The following HNRNPC variants were observed in gnomAD, a reference collection of about 807,000 sequenced individuals.
HNRNPC encodes heterogeneous nuclear ribonucleoproteins C1/C2.
A neutral mutation model predicts 33.2 loss-of-function variants in HNRNPC; 3 were observed. That is an observed-to-expected ratio of 0.09 (90% CI 0.04 to 0.23). The LOEUF (loss-of-function observed/expected upper bound fraction) is 0.23. Among genes scored for constraint, HNRNPC ranks in the 10% least tolerant of loss-of-function variants. The pLI is 1.00. For synonymous variants in HNRNPC, 121 were observed against 126.7 expected (o/e 0.96, Z 0.30); for missense variants, 143 against 366.7 (o/e 0.39, Z 4.98).
In HNRNPC at chr14:21,230,330, G is replaced by A; in HGVS notation, c.354C>T (p.Asp118=). The part of the protein sequence containing the change: ...SFDLDYDFQR[D]YYDRMYSYPA... The stretch of plus-strand genomic sequence containing the variant: ...ACATTTTAACATACCTATCATAATA[G>A]TCCCGTTGAAAGTCATAGTCCAAGT... Residue 118 remains aspartate, a synonymous_variant, in exon 5 of 9, where the codon GAC becomes GAT. Coordinates refer to ENST00000553300, the MANE Select transcript of HNRNPC (RefSeq NM_004500.4). 1.2e-6 allele frequency: 2 copies of A among 1,606,750 alleles called. No homozygotes were observed. The highest frequency in any genetic ancestry group is 1.3e-5 in the African/African-American group (1 of 74,804).
intron 1 of HNRNPC, among the ~76,000 whole-genome samples, chr14:21,268,941 T>C (rs183684965): frequency 1.2e-4 from 19 of 152,044 alleles, no homozygotes; most frequent in Admixed American, 1.2e-3. Flanking sequence ...ACGGAGGTAA[T>C]AGAAGGCATC....
chr14:21,256,797 C>T (rs1877296828), intron 2 of HNRNPC, among the ~76,000 whole-genome samples: 1 of 151,938 alleles, frequency 6.6e-6, no homozygotes, highest in Non-Finnish European at 1.5e-5. Context: ...GGACTACAGA[C>T]ACTTGCCACC....
At position 21,227,503 on chromosome 14, in the gene HNRNPC, C is replaced by T. The variant is rs555596704; in HGVS notation, c.365+2816G>A. ...ATCCGACAGTAACTACTAGTATCGG[C>T]TGGTGCAAAAATAATTGCGGTTTTG... is the stretch of plus-strand genomic sequence containing the variant. On this transcript the variant is annotated intron_variant, in intron 5 of 8. Coordinates refer to ENST00000553300, the MANE Select transcript of HNRNPC (RefSeq NM_004500.4). Among the ~76,000 whole-genome samples, 5 of 152,306 alleles carry T rather than the reference C, an allele frequency of 3.3e-5. No individual in the cohort carries two copies. The East Asian group carries it at 9.6e-4, about 29-fold the overall frequency.
intron 2 of HNRNPC, among the ~76,000 whole-genome samples, chr14:21,245,977 C>A (rs1269755454): frequency 6.6e-6 from 1 of 152,044 alleles, no homozygotes; most frequent in Non-Finnish European, 1.5e-5. Flanking sequence ...TCCTGAGTAG[C>A]TGGGAACACA....
At chr14:21,236,508 T>C (rs952289252) in intron 2 of HNRNPC, 17 of 152,140 alleles carry the variant, frequency 1.1e-4, no homozygotes, top group African/African-American at 4.1e-4. Flanking sequence ...GGGGATCAAA[T>C]ATTTACTAAC....
At chr14:21,226,141 T>C (rs1893395691) in intron 5 of HNRNPC, among the ~76,000 whole-genome samples, 1 of 151,720 alleles carries the variant, frequency 6.6e-6, no homozygotes, top group African/African-American at 2.4e-5. Context: ...GCCAACATAC[T>C]GAAACCCCAT....
intron 2 of HNRNPC, chr14:21,234,662 T>TTAA (rs1894477332): frequency 6.1e-6 from 1 of 164,204 alleles, no homozygotes. Context: ...TTCACGTTGC[T>TTAA]TTTATTGAGT....
intron 2 of HNRNPC, among the ~76,000 whole-genome samples, chr14:21,239,634 G>A (rs1238934077): frequency 1.3e-5 from 2 of 152,168 alleles, no homozygotes; most frequent in Non-Finnish European, 2.9e-5. Context: ...AGCACTTTGG[G>A]AGGCTGAGGC....
At chr14:21,219,910 C>G (rs1892635023) in intron 5 of HNRNPC, among the ~76,000 whole-genome samples, 1 of 152,200 alleles carries the variant, frequency 6.6e-6, no homozygotes, top group African/African-American at 2.4e-5. Flanking sequence ...GTTGTCCAGA[C>G]AAAAACGCTG....
At chr14:21,242,485 A>G (rs545648394) in intron 2 of HNRNPC, among the ~76,000 whole-genome samples, 47 of 152,356 alleles carry the variant, frequency 3.1e-4, no homozygotes, top group African/African-American at 1.0e-3. Context: ...CTCCGTCTCA[A>G]AAAGATGTTA....
chr14:21,225,349 T>G (rs1274996291), intron 5 of HNRNPC, among the ~76,000 whole-genome samples: 1 of 151,910 alleles, frequency 6.6e-6, no homozygotes, highest in Non-Finnish European at 1.5e-5. Flanking sequence ...CAAGAATTAC[T>G]TGAACCTGGG....
Position 21,211,911 on chromosome 14 carries a change from T to C in HNRNPC, c.536A>G (p.Asp179Gly). 1 of 1,610,328 alleles carries C rather than the reference T, an allele frequency of 6.2e-7. No homozygotes were observed. The highest frequency in any genetic ancestry group is 8.5e-7 in the Non-Finnish European group (1 of 1,176,854). Residue 179 changes from aspartate to glycine, a missense_variant, in exon 7 of 9, where the codon GAC (aspartate) becomes GGC (glycine). Physicochemically the swap from Asp to Gly is moderately conservative, Grantham distance 94 (BLOSUM62 -1). Around this residue, in one of 2 missense-constraint regions of HNRNPC, gnomAD observed 131 missense variants for 253.0 expected, o/e 0.52. Coordinates refer to ENST00000553300, the MANE Select transcript of HNRNPC (RefSeq NM_004500.4). ...CAGCTCCTTCTTAATGGCCTGAAGG[T>C]CATCTCCTTTCACTTTAATATAAAC... is the stretch of plus-strand genomic sequence containing the variant. ...SSKSGKLKGDDLQAIKKELTQ... is the reference protein window; with the variant it reads ...SSKSGKLKGDGLQAIKKELTQ...
At chr14:21,248,008 C>A (rs1385222702) in intron 2 of HNRNPC, among the ~76,000 whole-genome samples, 1 of 149,826 alleles carries the variant, frequency 6.7e-6, no homozygotes, top group Non-Finnish European at 1.5e-5. Flanking sequence ...AAAAAAAAAA[C>A]CCGTATCATC....
At chr14:21,249,249 C>G (rs1190566357) in intron 2 of HNRNPC, among the ~76,000 whole-genome samples, 3 of 152,028 alleles carry the variant, frequency 2.0e-5, no homozygotes, top group Non-Finnish European at 4.4e-5. Flanking sequence ...CCCTTCTCTT[C>G]CCCAAGAGCA....
At chr14:21,222,615 G>A (rs959953418) in intron 5 of HNRNPC, among the ~76,000 whole-genome samples, 2 of 152,102 alleles carry the variant, frequency 1.3e-5, no homozygotes, top group South Asian at 2.1e-4. Context: ...TGCTATGGCC[G>A]GGCCTAGTGG....
At chr14:21,226,909 C>A (rs772041908) in intron 5 of HNRNPC, among the ~76,000 whole-genome samples, 9 of 113,580 alleles carry the variant, frequency 7.9e-5, no homozygotes, top group Admixed American at 5.9e-4. Flanking sequence ...GGGGGGGGGA[C>A]AGTGATTTTT....
At chr14:21,215,119 A>T (rs1892020273) in intron 5 of HNRNPC, among the ~76,000 whole-genome samples, 1 of 152,240 alleles carries the variant, frequency 6.6e-6, no homozygotes, top group African/African-American at 2.4e-5. Context: ...GAACACAATT[A>T]GGAGTCAAAT....
At chr14:21,221,261 T>A (rs1202236600) in intron 5 of HNRNPC, among the ~76,000 whole-genome samples, 3 of 152,236 alleles carry the variant, frequency 2.0e-5, no homozygotes, top group Non-Finnish European at 4.4e-5. Context: ...CTGGGTTATT[T>A]CCTTCCTGAA....
rs558148278 is a variant in HNRNPC, at chr14:21,239,042, G to A, written c.-36-4813C>T. ...CTCGGGAGGCTGAGACAGGAGAATC[G>A]CTTGAACATGGGAGGAGGTTGCAGT... On this transcript the variant is annotated intron_variant, in intron 2 of 8. Transcript: ENST00000553300. 2.8e-5 allele frequency among the ~76,000 whole-genome samples: 4 copies of A among 145,310 alleles called. No homozygotes were observed. The South Asian group carries it at 8.5e-4, about 31-fold the overall frequency.
Sources: gnomAD v4.1 joint callset for allele counts (sites outside exome capture counted in the v4.1 genomes callset) on GRCh38, gnomAD v4.1.1 for gene constraint, gnomAD v4.1.1 regional missense constraint, MANE v1.5 for transcripts, NCBI Gene and HGNC (gene_info 2026-07-23, HGNC 2026-07-21) for gene names.